Variants in NPC1 observed in about 807,000 individuals in gnomAD.
NPC1 encodes the protein Niemann-Pick C1 protein.
Under a neutral mutation model 140.4 loss-of-function variants are expected in NPC1, and 85 were observed. The observed-to-expected ratio is 0.61, with a 90% CI of 0.51 to 0.72. The LOEUF is 0.72. Among genes scored for constraint, NPC1 ranks in the 30% least tolerant of loss-of-function variants. The pLI is 0.00. For synonymous variants in NPC1, 656 were observed against 624.8 expected (o/e 1.05, Z -0.74); for missense variants, 1,504 against 1,623.8 (o/e 0.93, Z 1.27).
In NPC1 at chr18:23,571,954, A is replaced by G. The variant is rs893678639; in HGVS notation, c.287+120T>C. The G allele has an allele frequency of 4.1e-5, 16 of 388,124 alleles. 1 individual carries two copies. The highest frequency in any genetic ancestry group is 7.5e-5 in the Non-Finnish European group (16 of 212,666). 24.0% of individuals were successfully genotyped at this position (388,124 alleles called of 1,614,324 possible). A position where few individuals can be genotyped will look rare whatever the true frequency, so the allele number is the denominator to read the frequency against. ...ACATATATGTATAAATATATAATAT[A>G]CATATAATATAGACATATAATAAAT... On this transcript the variant is annotated intron_variant, in intron 3 of 24. Transcript: ENST00000269228.
intron 4 of NPC1, among the ~76,000 whole-genome samples, chr18:23,562,838 TAAAA>T (rs568815951): frequency 1.3e-5 from 2 of 151,136 alleles, no homozygotes; most frequent in Non-Finnish European, 3.0e-5. Flanking sequence ...AATAAAAAAA[TAAAA>T]AAAAATTAGC....
rs139985685 is a variant in NPC1, at chr18:23,541,909, T to C, written c.2246-476A>G. On this transcript the variant is annotated intron_variant, in intron 14 of 24. Transcript: ENST00000269228. ...TTGGAAACTGCAAACTGGCAGCCCA[T>C]GAATCAGATGGTTCCTGTTTAGCCC... 4.7e-4 allele frequency among the ~76,000 whole-genome samples: 72 copies of C among 152,334 alleles called. No homozygotes were observed. The East Asian group carries it at 0.012, about 26-fold the overall frequency.
At chr18:23,525,132 G>C (rs1286016358), downstream of NPC1, among the ~76,000 whole-genome samples, 1 of 150,778 alleles carries the variant, frequency 6.6e-6, no homozygotes, top group Non-Finnish European at 1.5e-5. Context: ...TTTTAGTAGA[G>C]ACGAGGTTTT....
chr18:23,519,207 G>T (rs2058084246), downstream of NPC1: 1 of 1,590,970 alleles, frequency 6.3e-7, no homozygotes, highest in African/African-American at 1.3e-5. Flanking sequence ...CCAAAGTTAA[G>T]GTTGCTTAAA....
At chr18:23,556,720 C>G (rs2058958735) in intron 7 of NPC1, 107 bp from the exon 8 acceptor site, 2 of 1,523,840 alleles carry the variant, frequency 1.3e-6, no homozygotes, top group Admixed American at 3.9e-5. Context: ...GAATCAAGCC[C>G]ACCTGGGGAC....
At chr18:23,518,696 T>G (rs1410396196), downstream of NPC1, among the ~76,000 whole-genome samples, 3 of 152,200 alleles carry the variant, frequency 2.0e-5, no homozygotes. Context: ...TCAAGCTGTG[T>G]TTAGTGTGTG....
At chr18:23,524,611 A>AT (rs113496800), downstream of NPC1, 9,173 of 695,478 alleles carry the variant, frequency 0.013, no homozygotes, top group Middle Eastern at 0.018. Flanking sequence ...TGGGAATGGG[A>AT]TTTTTTTTTT....
At chr18:23,551,582 A>G in intron 10 of NPC1, 45 bp downstream of exon 10, 1 of 1,405,348 alleles carries the variant, frequency 7.1e-7, no homozygotes, top group East Asian at 2.3e-5. Flanking sequence ...GACAAAACCG[A>G]GATGACTTTA....
chr18:23,554,605 CAAAAA>C (rs11340795), intron 9 of NPC1, among the ~76,000 whole-genome samples, 148 bp downstream of exon 9: 1 of 134,914 alleles, frequency 7.4e-6, no homozygotes, highest in Non-Finnish European at 1.6e-5. Context: ...GACCCTGTCT[CAAAAA>C]AAAAAAAAAA....
intron 16 of NPC1, among the ~76,000 whole-genome samples, chr18:23,540,772 C>T (rs1381345999): frequency 1.3e-5 from 2 of 152,198 alleles, no homozygotes; most frequent in Non-Finnish European, 2.9e-5. Flanking sequence ...CAAACCACTT[C>T]ACCTCTCTTG....
chr18:23,539,758 T>C lies in NPC1; in HGVS notation c.2795+53A>G. On this transcript the variant is annotated intron_variant, in intron 18 of 24. Coordinates refer to ENST00000269228, the MANE Select transcript of NPC1 (RefSeq NM_000271.5). The stretch of plus-strand genomic sequence containing the variant: ...ACATTTCAGGCCTGAGCTGACTGCC[T>C]GGCTGAGAGCCTCCTCCGCTGCTTC... 3 of 1,584,274 alleles carry C rather than the reference T, an allele frequency of 1.9e-6. No individual in the cohort carries two copies. The Admixed American group carries it at 5.0e-5, about 26-fold the overall frequency.
At position 23,554,955 on chromosome 18, in the gene NPC1, G is replaced by C; in HGVS notation, c.1356C>G (p.Asn452Lys). ...TCTCATTGTCATAAGAGGCAGTAAT[G>C]TTTTCGATGGCTATTTGTAAGTCAA... ...QVLDLQIAIE[N>K]ITASYDNETV... The change falls in exon 9 of 25, where the codon AAC becomes AAG. Residue 452 changes from asparagine (N) to lysine (K), a missense_variant. Coordinates refer to ENST00000269228, the MANE Select transcript of NPC1 (RefSeq NM_000271.5). The C allele has an allele frequency of 6.2e-7, 1 of 1,613,362 alleles. No individual in the cohort carries two copies. Among genetic ancestry groups the C allele is most frequent in the East Asian group, 2.2e-5 (1 of 44,876 alleles).
At chr18:23,516,436 C>T (rs1567920730) in intron 3 of NPC1, 1 of 1,610,846 alleles carries the variant, frequency 6.2e-7, no homozygotes, top group Admixed American at 1.7e-5. Flanking sequence ...ATGTCCGTGT[C>T]AGAGAGAATT....
At chr18:23,513,949 G>A (rs991992111) in intron 3 of NPC1, among the ~76,000 whole-genome samples, 3 of 152,190 alleles carry the variant, frequency 2.0e-5, no homozygotes, top group Non-Finnish European at 2.9e-5. Context: ...CAATTTGCAA[G>A]TATTTTCTCC....
Position 23,534,571 on chromosome 18 carries a change from C to G in NPC1, c.3478-12G>C. 12 of 1,605,480 alleles carry G rather than the reference C, an allele frequency of 7.5e-6. No homozygotes were observed. Among genetic ancestry groups the G allele is most frequent in the Non-Finnish European group, 1.0e-5 (12 of 1,173,556 alleles). On this transcript the variant is annotated splice_polypyrimidine_tract_variant and intron_variant, in intron 22 of 24. Coordinates refer to ENST00000269228, the MANE Select transcript of NPC1 (RefSeq NM_000271.5). ...GAGATGCCACAGCTCTGAAATAAAG[C>G]ACTTCCTTTAGGATGGCTCTCTTCC...
chr18:23,529,990 T>C, downstream of NPC1: 2 of 1,546,238 alleles, frequency 1.3e-6, no homozygotes, highest in Non-Finnish European at 1.8e-6. Flanking sequence ...AGCTGAATGA[T>C]TTGGAAGTGT....
intron 18 of NPC1, 68 bp from the exon 19 acceptor site, chr18:23,539,538 C>T (rs1277952857): frequency 7.6e-5 from 85 of 1,122,566 alleles, no homozygotes; most frequent in Non-Finnish European, 1.0e-4. Context: ...AGTACTTTTT[C>T]TTAAAACCTA....
Position 23,560,265 on chromosome 18 carries a change from A to G in NPC1, c.847T>C (p.Phe283Leu). Residue 283 changes from phenylalanine to leucine, a missense_variant, in exon 6 of 25, where the codon TTT becomes CTT. Physicochemically the swap from Phe to Leu is conservative, Grantham distance 22 (BLOSUM62 0). Coordinates refer to ENST00000269228, the MANE Select transcript of NPC1 (RefSeq NM_000271.5). ...CACACTGCAAAAAATGCTCCAAAAA[A>G]CACAAGCAAAAACGCCATGTAGGTG... ...WITYMAFLLV[F>L]FGAFFAVWCY... The G allele has an allele frequency of 6.2e-7, 1 of 1,614,188 alleles. No individual in the cohort carries two copies. Among genetic ancestry groups the G allele is most frequent in the Non-Finnish European group, 8.5e-7 (1 of 1,180,022 alleles).
At chr18:23,527,400 A>G (rs1320087011), downstream of NPC1, among the ~76,000 whole-genome samples, 1 of 151,108 alleles carries the variant, frequency 6.6e-6, no homozygotes, top group Admixed American at 6.6e-5. Context: ...CCTGTATCCA[A>G]AAAAAAATAA....
Sources: allele counts gnomAD v4.1 joint callset (sites outside exome capture counted in the v4.1 genomes callset), GRCh38; gene constraint gnomAD v4.1.1; transcripts MANE v1.5; gene names NCBI Gene and HGNC (gene_info 2026-07-23, HGNC 2026-07-21).